IL1RAPL1: variants seen among roughly 807,000 people sequenced by gnomAD.
The protein encoded by IL1RAPL1 is interleukin 1 receptor accessory protein like 1, also known as interleukin-1 receptor accessory protein-like 1.
Under a neutral mutation model 48.4 loss-of-function variants are expected in IL1RAPL1, and 3 were observed. That is an observed-to-expected ratio of 0.06 (90% confidence interval 0.03 to 0.16). The LOEUF (loss-of-function observed/expected upper bound fraction) is 0.16. Ranked by LOEUF, IL1RAPL1 falls within the 10% of genes least tolerant of loss-of-function variation. The pLI is 1.00. For synonymous variants in IL1RAPL1, 185 were observed against 187.7 expected (o/e 0.99, Z 0.12); for missense variants, 349 against 530.6 (o/e 0.66, Z 3.36).
At chrX:29,837,266 A>AC (rs1396914124) in intron 6 of IL1RAPL1, among the ~76,000 whole-genome samples, 17 of 50,373 alleles carry the variant, frequency 3.4e-4, no homozygotes, top group Non-Finnish European at 5.2e-4. Flanking sequence ...CTCAAAAAAA[A>AC]AAAAAAATAT....
chrX:28,644,141 C>T (rs1223461739), intron 1 of IL1RAPL1, among the ~76,000 whole-genome samples: 1 of 111,224 alleles, frequency 9.0e-6, no homozygotes, highest in East Asian at 2.8e-4. Flanking sequence ...ATAATATACT[C>T]TTCTAGCTTC....
chrX:29,816,950 T>G (rs1008619909), intron 6 of IL1RAPL1, among the ~76,000 whole-genome samples: 2 of 109,957 alleles, frequency 1.8e-5, no homozygotes, highest in African/African-American at 6.6e-5. Context: ...GCTCTCTCTG[T>G]TATATATATC....
At chrX:28,839,315 TAAGCA>T (rs1304247747) in intron 2 of IL1RAPL1, among the ~76,000 whole-genome samples, 1 of 110,908 alleles carries the variant, frequency 9.0e-6, no homozygotes, top group Non-Finnish European at 1.9e-5. Flanking sequence ...TACTGTATCC[TAAGCA>T]AAATATGCTT....
chrX:29,601,384 T>C (rs907939393), intron 5 of IL1RAPL1, among the ~76,000 whole-genome samples: 1 of 112,081 alleles, frequency 8.9e-6, no homozygotes, highest in African/African-American at 3.2e-5. Context: ...TAAGATAAAA[T>C]ACTGAAATAT....
intron 1 of IL1RAPL1, among the ~76,000 whole-genome samples, chrX:28,779,634 GTATATATATATA>G (rs1183080798): frequency 2.4e-3 from 92 of 38,318 alleles, no homozygotes; most frequent in Middle Eastern, 0.027. Context: ...GTGTGTGTGT[GTATATATATATA>G]TATATATATA....
chrX:29,517,139 G>A (rs1935454262), intron 5 of IL1RAPL1, among the ~76,000 whole-genome samples: 1 of 110,469 alleles, frequency 9.1e-6, no homozygotes, highest in Non-Finnish European at 1.9e-5. Flanking sequence ...TTCCTTTCTA[G>A]TTTGTACTTT....
At chrX:29,261,710 T>C (rs900563021) in intron 2 of IL1RAPL1, among the ~76,000 whole-genome samples, 7 of 110,960 alleles carry the variant, frequency 6.3e-5, no homozygotes, top group Non-Finnish European at 7.5e-5. Context: ...GACTCTCCTG[T>C]ACATGCTGTT....
At chrX:29,122,409 T>TCTCACACACACACACA (rs60632925) in intron 2 of IL1RAPL1, among the ~76,000 whole-genome samples, 6 of 64,569 alleles carry the variant, frequency 9.3e-5, no homozygotes, top group African/African-American at 4.7e-4. Context: ...TCTCTCTCTC[T>TCTCACACACACACACA]CACACACACA....
intron 6 of IL1RAPL1, among the ~76,000 whole-genome samples, chrX:29,751,000 A>C (rs1211825292): frequency 1.8e-5 from 2 of 112,017 alleles, no homozygotes; most frequent in Non-Finnish European, 3.8e-5. Context: ...AAAGCTATAC[A>C]TGAAGAGTTA....
At chrX:29,173,852 T>C (rs1435476922) in intron 2 of IL1RAPL1, among the ~76,000 whole-genome samples, 1 of 111,818 alleles carries the variant, frequency 8.9e-6, no homozygotes, top group Non-Finnish European at 1.9e-5. Flanking sequence ...ATAAGCCGCA[T>C]AATGCTTCCA....
chrX:28,649,442 A>G (rs370500663), intron 1 of IL1RAPL1, among the ~76,000 whole-genome samples: 3 of 112,345 alleles, frequency 2.7e-5, no homozygotes, highest in South Asian at 3.6e-4. Flanking sequence ...ATTCTAAAAT[A>G]AATTGGGGGA....
At chrX:29,055,143 T>C (rs895341734) in intron 2 of IL1RAPL1, among the ~76,000 whole-genome samples, 17 of 111,868 alleles carry the variant, frequency 1.5e-4, no homozygotes, top group Admixed American at 1.4e-3. Flanking sequence ...CATACCACAT[T>C]TGAGAAACTG....
intron 2 of IL1RAPL1, among the ~76,000 whole-genome samples, chrX:29,061,595 A>T (rs1475474462): frequency 1.8e-5 from 2 of 111,487 alleles, no homozygotes; most frequent in East Asian, 5.7e-4. Flanking sequence ...GGTAGCTGGT[A>T]TTACAGGTGC....
intron 6 of IL1RAPL1, among the ~76,000 whole-genome samples, chrX:29,697,919 A>G (rs1307263392): frequency 1.8e-5 from 2 of 111,562 alleles, no homozygotes; most frequent in South Asian, 7.5e-4. Flanking sequence ...TGACCTTTCT[A>G]AAGCGTAATA....
rs768244688 is a variant in IL1RAPL1 at position 29,365,830 on chromosome X, G to A, written c.363-30428G>A. 9.3e-4 allele frequency among the ~76,000 whole-genome samples: 103 copies of A among 110,974 alleles called. 2 individuals carry two copies. Among genetic ancestry groups the A allele is most frequent in the Admixed American group, 1.9e-3 (20 of 10,429 alleles). On this transcript the variant is annotated intron_variant, in intron 3 of 10. Coordinates refer to ENST00000378993, the MANE Select transcript of IL1RAPL1 (RefSeq NM_014271.4). ...GAGGCGGGTGGATCACTTGAGGTCA[G>A]GAGTTCAAGACCAGCCTGGCCAGCA...
intron 6 of IL1RAPL1, among the ~76,000 whole-genome samples, chrX:29,765,881 C>G (rs1360315963): frequency 9.1e-6 from 1 of 110,381 alleles, no homozygotes; most frequent in Non-Finnish European, 1.9e-5. Context: ...GAGTAATGGA[C>G]TCTGGCGACT....
chrX:28,601,834 G>A (rs762635416), intron 1 of IL1RAPL1, among the ~76,000 whole-genome samples: 1 of 110,968 alleles, frequency 9.0e-6, no homozygotes, highest in Admixed American at 9.6e-5. Context: ...GCCAGGTATG[G>A]TGGTTCATGC....
intron 9 of IL1RAPL1, among the ~76,000 whole-genome samples, chrX:29,948,341 C>T (rs1011197837): frequency 9.0e-6 from 1 of 111,544 alleles, no homozygotes; most frequent in Non-Finnish European, 1.9e-5. Flanking sequence ...ACTGTAAATA[C>T]TTCAAACTGT....
chrX:29,222,275 C>T (rs995294920), intron 2 of IL1RAPL1, among the ~76,000 whole-genome samples: 5 of 111,671 alleles, frequency 4.5e-5, no homozygotes, highest in African/African-American at 9.8e-5. Flanking sequence ...AGGCCACAAA[C>T]GTTAGCTGAA....
Sources: gnomAD v4.1 joint callset for allele counts (sites outside exome capture counted in the v4.1 genomes callset) on GRCh38, gnomAD v4.1.1 for gene constraint, MANE v1.5 for transcripts, NCBI Gene and HGNC (gene_info 2026-07-23, HGNC 2026-07-21) for gene names.